Variants in PTPRH observed in about 807,000 individuals in gnomAD.
The protein encoded by PTPRH is receptor-type tyrosine-protein phosphatase H.
A neutral mutation model predicts 130.2 loss-of-function variants in PTPRH; 113 were observed. That is an observed-to-expected ratio of 0.87 (90% CI 0.75 to 1.01). PTPRH has a LOEUF of 1.01. Ranked by LOEUF, PTPRH falls within the 50% of genes least tolerant of loss-of-function variation. The pLI is 0.00. For missense variants in PTPRH, 1,430 were observed against 1,425.0 expected (o/e 1.00, Z -0.06); for synonymous variants, 556 against 577.9 (o/e 0.96, Z 0.54).
At chr19:55,203,665 T>C in intron 5 of PTPRH, 117 bp downstream of exon 5, 1 of 1,224,998 alleles carries the variant, frequency 8.2e-7, no homozygotes, top group Non-Finnish European at 1.1e-6. Flanking sequence ...TTCTCACCTG[T>C]GGCTTCCACT....
At position 55,209,269 on chromosome 19, in the gene PTPRH, C is replaced by T; in HGVS notation, c.51+114G>A. On this transcript the variant is annotated intron_variant, in intron 1 of 19. Transcript: ENST00000376350. This position sits in a 1 kb window ranked among gnomAD's most constrained non-coding sequence, Gnocchi z 4.1. ...CAAGCCTGAAGCCCTCTTCCTTCTCCAGGGGATCTTCAGCACCTACTTCCT... is the reference window on the plus strand; with the variant it reads ...CAAGCCTGAAGCCCTCTTCCTTCTCTAGGGGATCTTCAGCACCTACTTCCT... The T allele has an allele frequency of 1.1e-6, 1 of 909,642 alleles. No homozygotes were observed. The highest frequency in any genetic ancestry group is 1.8e-6 in the Non-Finnish European group (1 of 563,904). The allele number at this position is 909,642 out of a possible 1,614,324, so 56.3% of individuals were successfully genotyped here.
chr19:55,209,380 T>A lies in PTPRH; in HGVS notation c.51+3A>T, dbSNP rs941791019. On this transcript the variant is annotated splice_donor_region_variant and intron_variant, in intron 1 of 19. Transcript: ENST00000376350. This position sits in a 1 kb window ranked among gnomAD's most constrained non-coding sequence, Gnocchi z 4.1. Reference sequence around the variant, plus strand: ...GAGCCCGCTCTGGGCGGGGAGCACTTACCAGCAGCACCAGGTTCCCCCAGA... The same window carrying A: ...GAGCCCGCTCTGGGCGGGGAGCACTAACCAGCAGCACCAGGTTCCCCCAGA... 6 of 1,561,616 alleles carry A rather than the reference T, an allele frequency of 3.8e-6. No individual in the cohort carries two copies. Among genetic ancestry groups the A allele is most frequent in the Non-Finnish European group, 5.2e-6 (6 of 1,152,528 alleles).
intron 14 of PTPRH, 124 bp from the exon 15 acceptor site, chr19:55,186,664 C>G: frequency 5.0e-6 from 2 of 398,548 alleles, no homozygotes; most frequent in Non-Finnish European, 6.4e-6. Context: ...AAAGTCATGC[C>G]GAGACGCAGG....
intron 5 of PTPRH, among the ~76,000 whole-genome samples, chr19:55,203,151 A>T (rs1327760765): frequency 6.7e-6 from 1 of 149,482 alleles, no homozygotes; most frequent in Non-Finnish European, 1.5e-5. Context: ...ACACGGTGAA[A>T]CCCGTCTCTA....
Position 55,196,531 on chromosome 19 carries a change from C to T in PTPRH, c.2248G>A (p.Glu750Lys), listed in dbSNP as rs145253735. The T allele has an allele frequency of 2.9e-5, 47 of 1,611,030 alleles. No individual in the cohort carries two copies. The highest frequency in any genetic ancestry group is 8.3e-5 in the Admixed American group (5 of 59,966). The stretch of plus-strand genomic sequence containing the variant: ...GCGCGGCTCCGCTCACCTGCACTCT[C>T]GGTGTGGCAGACCACAGAGTGAGAC... ...VVSHSVVCHT[E>K]SAGVIAGAFV... Residue 750 changes from glutamate to lysine, a missense_variant, in exon 10 of 20, where the codon GAG becomes AAG. By Grantham distance (56) the Glu-to-Lys change is moderately conservative. Transcript: ENST00000376350.
intron 10 of PTPRH, among the ~76,000 whole-genome samples, chr19:55,193,705 CTT>C (rs1263963850): frequency 1.3e-5 from 2 of 152,174 alleles, no homozygotes; most frequent in Non-Finnish European, 2.9e-5. Context: ...GGGGGAAACA[CTT>C]TGCTGGTTGT....
intron 7 of PTPRH, 88 bp from the exon 8 acceptor site, chr19:55,199,000 C>A: frequency 8.0e-7 from 1 of 1,253,744 alleles, no homozygotes; most frequent in Non-Finnish European, 1.0e-6. Context: ...TTGTGCAGCC[C>A]AGCTCATCCA....
chr19:55,186,416 T>C (rs766388277), intron 15 of PTPRH, 48 bp downstream of exon 15: 1 of 1,613,144 alleles, frequency 6.2e-7, no homozygotes, highest in East Asian at 2.2e-5. Context: ...CGAGCTCTTA[T>C]CTCTCCAGGC....
Position 55,205,352 on chromosome 19 carries a change from G to A in PTPRH, c.593C>T (p.Ser198Phe). The A allele has an allele frequency of 6.2e-7, 1 of 1,614,194 alleles. No homozygotes were observed. The highest frequency in any genetic ancestry group is 8.5e-7 in the Non-Finnish European group (1 of 1,180,032). The change falls in exon 4 of 20, where the codon TCC (serine) becomes TTC (phenylalanine). Residue 198 changes from serine (S) to phenylalanine (F), a missense_variant. Coordinates refer to ENST00000376350, the MANE Select transcript of PTPRH (RefSeq NM_002842.5). The part of the protein sequence containing the change: ...MWVGKNGINS[S>F]RETRNATTAH... ...TGTGGTGGCATTTCGAGTCTCCCGG[G>A]AGCTGTTGATTCCATTCTTTCCCAC...
chr19:55,191,567 G>C lies in PTPRH; in HGVS notation c.2337-19C>G. The stretch of plus-strand genomic sequence containing the variant: ...CTTATTCCTGGGAAAAGGACGTTAG[G>C]ATGAGAGGCTCAGGGGGTGAGGCTG... On this transcript the variant is annotated intron_variant, in intron 11 of 19. Coordinates refer to ENST00000376350, the MANE Select transcript of PTPRH (RefSeq NM_002842.5). 6.2e-7 allele frequency: 1 copy of C among 1,614,074 alleles called. No homozygotes were observed.
chr19:55,186,574 A>C, intron 14 of PTPRH, 34 bp from the exon 15 acceptor site: 1 of 1,609,470 alleles, frequency 6.2e-7, no homozygotes, highest in Non-Finnish European at 8.5e-7. Flanking sequence ...CCAGGCAGAG[A>C]GACCCAGAGA....
rs1480948256 is a variant in PTPRH, at chr19:55,186,266, G to A, written c.2737C>T (p.His913Tyr). Residue 913 changes from histidine (H) to tyrosine (Y), a missense_variant, in exon 16 of 20, where the codon CAC (histidine) becomes TAC (tyrosine). By Grantham distance (83) the His-to-Tyr change is moderately conservative. Transcript: ENST00000376350. ...FWRLVWEQQS[H>Y]TLVMLTNCME... ...CAGTTGGTCAGCATGACCAGGGTGTGGCTCTGCTGTTCCCACACCAGGCGC... is the reference window on the plus strand; with the variant it reads ...CAGTTGGTCAGCATGACCAGGGTGTAGCTCTGCTGTTCCCACACCAGGCGC... 43 of 1,613,664 alleles carry A rather than the reference G, an allele frequency of 2.7e-5. No individual in the cohort carries two copies. The highest frequency in any genetic ancestry group is 3.4e-5 in the Non-Finnish European group (40 of 1,179,806).
intron 8 of PTPRH, among the ~76,000 whole-genome samples, chr19:55,198,282 G>A (rs558649866): frequency 3.7e-4 from 57 of 152,270 alleles, no homozygotes; most frequent in Non-Finnish European, 5.4e-4. Flanking sequence ...GGGACCCACC[G>A]TGCCTAGGCT....
rs201087851 is a variant in PTPRH, at chr19:55,209,448, C to T, written c.-15G>A. 1,046 of 1,543,954 alleles carry T rather than the reference C, an allele frequency of 6.8e-4. 9 individuals are homozygous for T. The highest frequency in any genetic ancestry group is 5.4e-5 in the Non-Finnish European group (61 of 1,138,668). ...GCCCCAGCCATGCCTCCAGACACTG[C>T]CGGGGACCCAGGAGTCCCAGGCCTA... is the stretch of plus-strand genomic sequence containing the variant. On this transcript the variant is annotated 5_prime_UTR_variant, in exon 1 of 20. Transcript: ENST00000376350. This position sits in a 1 kb window ranked among gnomAD's most constrained non-coding sequence, Gnocchi z 4.1.
chr19:55,208,595 A>G (rs10414017), intron 1 of PTPRH, among the ~76,000 whole-genome samples: 1 of 1,020 alleles, frequency 9.8e-4, no homozygotes, highest in Non-Finnish European at 1.7e-3. Flanking sequence ...TGAGGGAGGA[A>G]GGGCTGGGGG....
chr19:55,208,453 TG>T (rs199729011), intron 1 of PTPRH, among the ~76,000 whole-genome samples: 1 of 5,006 alleles, frequency 2.0e-4, no homozygotes, highest in Non-Finnish European at 5.4e-4. Context: ...GAGGAGGGGC[TG>T]GGGGTCTGGA....
chr19:55,201,789 T>C (rs2086871020), intron 6 of PTPRH, among the ~76,000 whole-genome samples: 1 of 152,152 alleles, frequency 6.6e-6, no homozygotes, highest in African/African-American at 2.4e-5. Context: ...CCCTACACAT[T>C]CCTCTTGGTG....
chr19:55,191,827 C>G, intron 10 of PTPRH, 86 bp from the exon 11 acceptor site: 4 of 1,204,784 alleles, frequency 3.3e-6, no homozygotes, highest in Non-Finnish European at 4.9e-6. Context: ...TTCCTCTTCC[C>G]CAGGAGCCTG....
rs1321826909 is a variant in PTPRH at position 55,209,413 on chromosome 19, G to GC, written c.20dup (p.Leu8ProfsTer101). 1 of 1,557,088 alleles carries GC rather than the reference G, an allele frequency of 6.4e-7. No individual in the cohort carries two copies. Among genetic ancestry groups the GC allele is most frequent in the Admixed American group, 1.9e-5 (1 of 51,456 alleles). On this transcript the variant is annotated frameshift_variant, in exon 1 of 20. Transcript: ENST00000376350. LOFTEE classifies it high-confidence loss of function. This position sits in a 1 kb window ranked among gnomAD's most constrained non-coding sequence, Gnocchi z 4.1. The stretch of plus-strand genomic sequence containing the variant: ...GCACCAGGTTCCCCCAGACCCCGAG[G>GC]CCCCCGCCAGCCCCAGCCATGCCTC...
Sources: gnomAD v4.1 joint callset for allele counts (sites outside exome capture counted in the v4.1 genomes callset) on GRCh38, gnomAD v4.1.1 for gene constraint, Gnocchi (gnomAD v3.1) non-coding constraint, MANE v1.5 for transcripts, NCBI Gene and HGNC (gene_info 2026-07-23, HGNC 2026-07-21) for gene names.